Variants in TUBAL3 observed in about 807,000 individuals in gnomAD.
TUBAL3 encodes the protein tubulin alpha chain-like 3.
In TUBAL3, 16 loss-of-function variants were observed where a neutral mutation model predicts 15.5. The ratio of observed to expected loss-of-function variants is 1.04; its 90% CI spans 0.70 to 1.57. The LOEUF is 1.57. Ranked by LOEUF, TUBAL3 falls within the 40% of genes most tolerant of loss-of-function variation. The pLI is 0.00. For missense variants in TUBAL3, 609 were observed against 576.2 expected (o/e 1.06, Z -0.58); for synonymous variants, 238 against 224.3 (o/e 1.06, Z -0.55).
rs553044696 is a variant in TUBAL3 at position 5,395,056 on chromosome 10, G to A, written c.396+271C>T. Among the ~76,000 whole-genome samples, 41 of 152,284 alleles carry A rather than the reference G, an allele frequency of 2.7e-4. 1 individual carries two copies. The highest frequency in any genetic ancestry group is 8.2e-4 in the African/African-American group (34 of 41,550). On this transcript the variant is annotated intron_variant, in intron 3 of 3. Coordinates refer to ENST00000380419, the MANE Select transcript of TUBAL3 (RefSeq NM_024803.3). This position sits in a 1 kb window ranked among gnomAD's most constrained non-coding sequence, Gnocchi z 4.6. ...TTTTAGAGTGCTATGGGAGTCTCTC[G>A]TAACAAGATGAACCCTGTGTTAGGA... is the stretch of plus-strand genomic sequence containing the variant.
Position 5,398,056 on chromosome 10 carries a change from G to T in TUBAL3, c.248-2581C>A, listed in dbSNP as rs1447795016. Among the ~76,000 whole-genome samples, 5 of 152,330 alleles carry T rather than the reference G, an allele frequency of 3.3e-5. No homozygotes were observed. In the East Asian group the frequency reaches 9.6e-4, roughly 29 times the overall value. On this transcript the variant is annotated intron_variant, in intron 2 of 3. Coordinates refer to ENST00000380419, the MANE Select transcript of TUBAL3 (RefSeq NM_024803.3). The stretch of plus-strand genomic sequence containing the variant: ...AATCCCAGCACTTTGGGAGGCCAAG[G>T]TGAGAGGATTGTTTGAGGTCAGGAG...
chr10:5,398,143 G>A (rs889466513), intron 2 of TUBAL3, among the ~76,000 whole-genome samples: 23 of 152,072 alleles, frequency 1.5e-4, no homozygotes, highest in African/African-American at 2.7e-4. Flanking sequence ...AAAATTGGCC[G>A]GGTGCAGTGG....
In TUBAL3 at chr10:5,395,370, C is replaced by T; in HGVS notation, c.353G>A (p.Gly118Glu). Residue 118 changes from glycine (G) to glutamate (E), a missense_variant, in exon 3 of 4, where the codon GGG becomes GAG. Coordinates refer to ENST00000380419, the MANE Select transcript of TUBAL3 (RefSeq NM_024803.3). This position sits in a 1 kb window ranked among gnomAD's most constrained non-coding sequence, Gnocchi z 4.6. ...NNYARGRYSVGSEVIDLVLER... is the reference protein window; with the variant it reads ...NNYARGRYSVESEVIDLVLER... ...CAGCACAAGGTCGATGACCTCCGAC[C>T]CCACAGAGTAACGGCCTCGCGCGTA... The T allele has an allele frequency of 1.2e-6, 2 of 1,603,570 alleles. No individual in the cohort carries two copies. The highest frequency in any genetic ancestry group is 1.7e-6 in the Non-Finnish European group (2 of 1,173,656).
chr10:5,401,170 G>A, intron 1 of TUBAL3, 83 bp from the exon 2 acceptor site: 2 of 1,545,408 alleles, frequency 1.3e-6, no homozygotes. Context: ...GGTTACAAAT[G>A]ACAGAAACCA....
At chr10:5,401,792 TAAAC>T (rs1476607400) in intron 1 of TUBAL3, among the ~76,000 whole-genome samples, 7 of 151,712 alleles carry the variant, frequency 4.6e-5, no homozygotes, top group Admixed American at 3.3e-4. Context: ...GCAAATGATA[TAAAC>T]AAACAAATTA....
chr10:5,398,349 G>A (rs1205160017), intron 2 of TUBAL3, among the ~76,000 whole-genome samples: 1 of 149,688 alleles, frequency 6.7e-6, no homozygotes, highest in Non-Finnish European at 1.5e-5. Flanking sequence ...GAACCCGGGA[G>A]GCACAGGTTG....
intron 1 of TUBAL3, 37 bp from the exon 2 acceptor site, chr10:5,401,124 GT>G (rs782808994): frequency 6.2e-7 from 1 of 1,608,226 alleles, no homozygotes; most frequent in Non-Finnish European, 8.5e-7. Flanking sequence ...CTGAGCAGGT[GT>G]TTAGAAAACA....
chr10:5,401,420 T>C (rs907533538), intron 1 of TUBAL3, among the ~76,000 whole-genome samples: 1 of 123,546 alleles, frequency 8.1e-6, no homozygotes, highest in Non-Finnish European at 1.7e-5. Context: ...ATTCTTTCAA[T>C]ATAGGTGAGA....
At position 5,400,902 on chromosome 10, in the gene TUBAL3, T is replaced by C. The variant is rs782031437; in HGVS notation, c.189A>G (p.Thr63=). 1 of 1,614,256 alleles carries C rather than the reference T, an allele frequency of 6.2e-7. No individual in the cohort carries two copies. The highest frequency in any genetic ancestry group is 8.5e-7 in the Non-Finnish European group (1 of 1,180,044). The stretch of plus-strand genomic sequence containing the variant: ...CTCTAGGCACATGCTTCCCAGCTCT[T>C]GTCTCACAGAAGAAGGTATCGAAAG... ...NASFDTFFCE[T]RAGKHVPRAL... Residue 63 remains threonine, a synonymous_variant, in exon 2 of 4, where the codon ACA becomes ACG. Coordinates refer to ENST00000380419, the MANE Select transcript of TUBAL3 (RefSeq NM_024803.3).
At chr10:5,399,948 C>T (rs896158115) in intron 2 of TUBAL3, among the ~76,000 whole-genome samples, 4 of 152,192 alleles carry the variant, frequency 2.6e-5, no homozygotes, top group Admixed American at 2.0e-4. Context: ...AAGTTTATTA[C>T]ACGCCAACAA....
In TUBAL3 at chr10:5,395,942, C is replaced by G. The variant is rs140155380; in HGVS notation, c.248-467G>C. The stretch of plus-strand genomic sequence containing the variant: ...CCTTCCAATCTCTACCTCTGGCATA[C>G]AAGCCTTTTCCCCTGTATGTGTGTC... On this transcript the variant is annotated intron_variant, in intron 2 of 3. Transcript: ENST00000380419. The surrounding 1 kb of genome is among the most constrained non-coding windows in gnomAD (Gnocchi z 4.6). Among the ~76,000 whole-genome samples the G allele has an allele frequency of 6.6e-6, 1 of 152,142 alleles. No individual in the cohort carries two copies. Among genetic ancestry groups the G allele is most frequent in the African/African-American group, 2.4e-5 (1 of 41,428 alleles).
chr10:5,397,733 G>T lies in TUBAL3; in HGVS notation c.248-2258C>A, dbSNP rs112360637. ...CTTAGCTTCCTTAACTACGGTGTCA[G>T]TCAGCTGCATTCCACTTCAATCATC... is the stretch of plus-strand genomic sequence containing the variant. On this transcript the variant is annotated intron_variant, in intron 2 of 3. Coordinates refer to ENST00000380419, the MANE Select transcript of TUBAL3 (RefSeq NM_024803.3). This position sits in a 1 kb window ranked among gnomAD's most constrained non-coding sequence, Gnocchi z 4.9. Among the ~76,000 whole-genome samples the T allele has an allele frequency of 1.2e-3, 184 of 152,258 alleles. No individual in the cohort carries two copies. The highest frequency in any genetic ancestry group is 4.2e-3 in the African/African-American group (175 of 41,542).
chr10:5,402,456 T>G (rs1205209876), intron 1 of TUBAL3, among the ~76,000 whole-genome samples: 1 of 152,208 alleles, frequency 6.6e-6, no homozygotes, highest in Non-Finnish European at 1.5e-5. Flanking sequence ...TCAGGACCCT[T>G]TGGGCTGTTT....
rs1232472693 is a variant in TUBAL3, at chr10:5,395,566, G to T, written c.248-91C>A. 38 of 1,283,328 alleles carry T rather than the reference G, an allele frequency of 3.0e-5. No individual in the cohort carries two copies. The highest frequency in any genetic ancestry group is 3.8e-5 in the Non-Finnish European group (37 of 979,122). 79.5% of individuals were successfully genotyped at this position (1,283,328 alleles called of 1,614,324 possible). ...GTCCTCCTGGAGCCTCCCCGTACTT[G>T]ACTCCCATGCTTTCTCTCAATATTG... On this transcript the variant is annotated intron_variant, in intron 2 of 3. Coordinates refer to ENST00000380419, the MANE Select transcript of TUBAL3 (RefSeq NM_024803.3). The surrounding 1 kb of genome is among the most constrained non-coding windows in gnomAD (Gnocchi z 4.6).
At position 5,393,668 on chromosome 10, in the gene TUBAL3, C is replaced by T. The variant is rs782621046; in HGVS notation, c.1190G>A (p.Arg397His). 1.3e-5 allele frequency: 21 copies of T among 1,614,034 alleles called. No homozygotes were observed. The highest frequency in any genetic ancestry group is 6.6e-5 in the South Asian group (6 of 91,084). ...CATGAGGTCAAACTTGTGGTCCAGGCGGGCCCAGGCCTCCACAATCGCCGT... is the reference window on the plus strand; with the variant it reads ...CATGAGGTCAAACTTGTGGTCCAGGTGGGCCCAGGCCTCCACAATCGCCGT... ...NTTAIVEAWA[R>H]LDHKFDLMYA... The change falls in exon 4 of 4, where the codon CGC (arginine) becomes CAC (histidine). Residue 397 changes from arginine to histidine, a missense_variant. Arg to His is a conservative substitution (Grantham distance 29). Coordinates refer to ENST00000380419, the MANE Select transcript of TUBAL3 (RefSeq NM_024803.3).
intron 2 of TUBAL3, among the ~76,000 whole-genome samples, chr10:5,398,762 A>G (rs965156399): frequency 6.6e-6 from 1 of 150,878 alleles, no homozygotes; most frequent in Non-Finnish European, 1.5e-5. Context: ...GTTTTGCAAT[A>G]TTTTTTTTTG....
intron 2 of TUBAL3, among the ~76,000 whole-genome samples, chr10:5,399,145 T>C (rs1284970783): frequency 6.6e-6 from 1 of 152,206 alleles, no homozygotes; most frequent in African/African-American, 2.4e-5. Context: ...ATAAAGTTCC[T>C]CATCTATAAA....
At chr10:5,399,765 G>T (rs1487981026) in intron 2 of TUBAL3, among the ~76,000 whole-genome samples, 2 of 152,112 alleles carry the variant, frequency 1.3e-5, no homozygotes, top group African/African-American at 4.8e-5. Context: ...CAGCACCAAG[G>T]GGCAGCGATG....
chr10:5,403,454 A>T (rs542346086), intron 1 of TUBAL3, among the ~76,000 whole-genome samples: 2 of 152,020 alleles, frequency 1.3e-5, no homozygotes, highest in Non-Finnish European at 2.9e-5. Flanking sequence ...ACTGGCTACC[A>T]CCCAGTCCTG....
Sources: gnomAD v4.1 joint callset for allele counts (sites outside exome capture counted in the v4.1 genomes callset) on GRCh38, gnomAD v4.1.1 for gene constraint, Gnocchi (gnomAD v3.1) non-coding constraint, MANE v1.5 for transcripts, NCBI Gene and HGNC (gene_info 2026-07-23, HGNC 2026-07-21) for gene names.